TPRX2: variants seen among roughly 807,000 people sequenced by gnomAD.
The protein encoded by TPRX2 is tetrapeptide repeat homeobox 2.
chr19:47,861,329 T>TC, the TPRX2 span: 24 of 475,940 alleles, frequency 5.0e-5, no homozygotes, highest in Non-Finnish European at 9.2e-5. Context: ...CCTTGTGGCC[T>TC]CAGAGCCCCT....
chr19:47,861,214 G>A, the TPRX2 span: 4 of 599,496 alleles, frequency 6.7e-6, no homozygotes, highest in African/African-American at 7.3e-5. Context: ...TCGATCCCCG[G>A]TCCAATACCA....
At chr19:47,861,025 T>C in the TPRX2 span, 1 of 920,648 alleles carries the variant, frequency 1.1e-6, no homozygotes, top group Non-Finnish European at 1.7e-6. Flanking sequence ...GAACCGAAGA[T>C]CTACAGCCTC....
the TPRX2 span, chr19:47,861,273 A>G: frequency 3.9e-6 from 2 of 506,700 alleles, no homozygotes; most frequent in Non-Finnish European, 7.7e-6. Flanking sequence ...CCTAGGCCGA[A>G]CCCTGATGCC....
chr19:47,860,705 C>A, the TPRX2 span: 1 of 1,381,234 alleles, frequency 7.2e-7, no homozygotes, highest in Non-Finnish European at 9.6e-7. Flanking sequence ...GGGGTGAACA[C>A]CGGGAGAGTT....
chr19:47,861,124 T>G, the TPRX2 span: 1 of 700,750 alleles, frequency 1.4e-6, no homozygotes, highest in Non-Finnish European at 2.6e-6. Context: ...CCAGCCCCTA[T>G]CCCAGGCCCA....
At chr19:47,860,746 C>T in the TPRX2 span, 1 of 1,499,172 alleles carries the variant, frequency 6.7e-7, no homozygotes, top group Non-Finnish European at 8.9e-7. Context: ...GAGCGGCTCA[C>T]CCGGGCCGCG....
the TPRX2 span, chr19:47,860,867 C>T: frequency 1.3e-6 from 2 of 1,533,460 alleles, no homozygotes; most frequent in Non-Finnish European, 1.7e-6. Context: ...AGCCCCAGCG[C>T]GTCCCTGGGC....
chr19:47,861,142 T>TCCCAGGCCCAGTCCCAGGC, the TPRX2 span: 1 of 694,698 alleles, frequency 1.4e-6, no homozygotes, highest in Non-Finnish European at 2.6e-6. Flanking sequence ...CCAGCCCAGA[T>TCCCAGGCCCAGTCCCAGGC]CCCAGGCCCA....
At chr19:47,859,685 C>T in the TPRX2 span, among the ~76,000 whole-genome samples, 15 of 148,618 alleles carry the variant, frequency 1.0e-4, no homozygotes, top group Non-Finnish European at 1.6e-4. Flanking sequence ...TGCACTCCAG[C>T]CTGGGTGACA....
the TPRX2 span, among the ~76,000 whole-genome samples, chr19:47,860,566 C>T: frequency 1.3e-5 from 2 of 151,834 alleles, no homozygotes; most frequent in Non-Finnish European, 2.9e-5. Flanking sequence ...CCCTGGCCCC[C>T]CGGGCACCTG....
At chr19:47,860,818 G>T in the TPRX2 span, 10 of 1,539,880 alleles carry the variant, frequency 6.5e-6, no homozygotes, top group African/African-American at 1.2e-4. Context: ...TTCAAGAATC[G>T]CCGCGCCAAA....
the TPRX2 span, chr19:47,860,686 T>G: frequency 7.9e-6 from 8 of 1,015,170 alleles, no homozygotes; most frequent in Non-Finnish European, 1.0e-5. Context: ...ATATGGTGGG[T>G]GCGGGGTGGG....
the TPRX2 span, chr19:47,860,415 G>C: frequency 5.8e-6 from 4 of 692,180 alleles, no homozygotes; most frequent in Non-Finnish European, 1.0e-5. Context: ...GTGTAGACCC[G>C]GGCTGCATCC....
the TPRX2 span, chr19:47,860,748 C>T: frequency 6.0e-6 from 9 of 1,500,436 alleles, no homozygotes; most frequent in South Asian, 3.8e-5. Context: ...GCGGCTCACC[C>T]GGGCCGCGCG....
chr19:47,859,371 C>T, the TPRX2 span, among the ~76,000 whole-genome samples: 105,598 of 147,874 alleles, frequency 0.71, 39,285 homozygotes, highest in Admixed American at 0.83. Flanking sequence ...CCTGTGCGGG[C>T]GGCTTCCTGT....
At chr19:47,860,735 C>A in the TPRX2 span, 2 of 1,479,104 alleles carry the variant, frequency 1.4e-6, no homozygotes, top group South Asian at 1.3e-5. Flanking sequence ...GCGCCGCCCC[C>A]GAGCGGCTCA....
At chr19:47,859,353 G>A in the TPRX2 span, among the ~76,000 whole-genome samples, 1 of 150,474 alleles carries the variant, frequency 6.6e-6, no homozygotes, top group Non-Finnish European at 1.5e-5. Context: ...AGCCAGAGAA[G>A]GGCTGGGCCT....
At chr19:47,861,414 G>A in the TPRX2 span, 4 of 593,448 alleles carry the variant, frequency 6.7e-6, no homozygotes, top group Admixed American at 2.2e-5. Flanking sequence ...AGACCGGTTC[G>A]AGGAATCCTC....
chr19:47,861,261 G>C, the TPRX2 span: 4 of 519,006 alleles, frequency 7.7e-6, no homozygotes, highest in South Asian at 1.5e-5. Context: ...CCCAGACCCA[G>C]TCCTAGGCCG....
Sources: allele counts gnomAD v4.1 joint callset (sites outside exome capture counted in the v4.1 genomes callset), GRCh38; gene constraint gnomAD v4.1.1; transcripts MANE v1.5; gene names NCBI Gene and HGNC (gene_info 2026-07-23, HGNC 2026-07-21).